IL1RAPL2: variants seen among roughly 807,000 people sequenced by gnomAD.
IL1RAPL2 encodes interleukin 1 receptor accessory protein like 2.
A neutral mutation model predicts 44.1 loss-of-function variants in IL1RAPL2; 3 were observed. The ratio of observed to expected loss-of-function variants is 0.07; its 90% confidence interval spans 0.03 to 0.18. The LOEUF (loss-of-function observed/expected upper bound fraction) is 0.18, where lower values mean the gene tolerates loss of function less well. Among genes scored for constraint, IL1RAPL2 ranks in the 10% least tolerant of loss-of-function variants. The probability of loss-of-function intolerance (pLI) is 1.00; values close to 1 mark genes in which losing one functional copy is unlikely to be tolerated. For missense variants in IL1RAPL2, 391 were observed against 496.4 expected (o/e 0.79, Z 2.02); for synonymous variants, 181 against 178.8 (o/e 1.01, Z -0.10).
chrX:105,371,184 CTCTT>C (rs2035336836), intron 5 of IL1RAPL2, among the ~76,000 whole-genome samples: 1 of 111,879 alleles, frequency 8.9e-6, no homozygotes, highest in African/African-American at 3.2e-5. Context: ...TGTAGGTTGT[CTCTT>C]TATTGTATTG....
At chrX:105,287,821 G>C (rs1017778013) in intron 5 of IL1RAPL2, among the ~76,000 whole-genome samples, 1 of 111,413 alleles carries the variant, frequency 9.0e-6, no homozygotes, top group Non-Finnish European at 1.9e-5. Context: ...GTATGACAAG[G>C]TTCATTCAAT....
intron 2 of IL1RAPL2, among the ~76,000 whole-genome samples, chrX:105,135,105 G>A (rs1360569331): frequency 9.1e-6 from 1 of 109,385 alleles, no homozygotes; most frequent in Non-Finnish European, 1.9e-5. Context: ...CCCATTTTCT[G>A]AGTAATACAC....
chrX:105,444,457 G>T (rs745536621), intron 5 of IL1RAPL2, among the ~76,000 whole-genome samples: 6 of 110,871 alleles, frequency 5.4e-5, no homozygotes, highest in Non-Finnish European at 1.1e-4. Context: ...TTTTCTTATA[G>T]TTGCTTCATA....
In IL1RAPL2 at chrX:105,669,756, C is replaced by T. The variant is rs768496991; in HGVS notation, c.773-47611C>T. Among the ~76,000 whole-genome samples the T allele has an allele frequency of 5.4e-5, 6 of 110,109 alleles. No individual in the cohort carries two copies. The South Asian group carries it at 2.3e-3, about 43-fold the overall frequency. On this transcript the variant is annotated intron_variant, in intron 6 of 10. Coordinates refer to ENST00000372582, the MANE Select transcript of IL1RAPL2 (RefSeq NM_017416.2). ...CCTTCATGTTGCACTTCTATAGTAA[C>T]ACCCATTTCCCTCCCACCACTATCC...
intron 2 of IL1RAPL2, among the ~76,000 whole-genome samples, chrX:104,891,359 G>C (rs995470625): frequency 8.9e-6 from 1 of 111,940 alleles, no homozygotes; most frequent in Non-Finnish European, 1.9e-5. Context: ...GTTTGATGGG[G>C]ATCGCATTGA....
chrX:104,885,913 G>C (rs1423920002), intron 2 of IL1RAPL2, among the ~76,000 whole-genome samples: 1 of 113,257 alleles, frequency 8.8e-6, no homozygotes, highest in Non-Finnish European at 1.9e-5. Flanking sequence ...TGGGCTGGAA[G>C]CCCCCAACCA....
In IL1RAPL2 at chrX:105,222,770, C is replaced by A. The variant is rs150242564; in HGVS notation, c.357-11048C>A. On this transcript the variant is annotated intron_variant, in intron 3 of 10. Coordinates refer to ENST00000372582, the MANE Select transcript of IL1RAPL2 (RefSeq NM_017416.2). ...ATGCCCAGGTTTCTGGTATAGGGGA[C>A]TAAGTAGATAGCCCTGTTATTGACT... 1.5e-4 allele frequency among the ~76,000 whole-genome samples: 17 copies of A among 111,745 alleles called. 1 individual carries two copies. In the East Asian group the frequency reaches 2.8e-3, roughly 19 times the overall value.
At chrX:105,529,083 C>A (rs886777728) in intron 6 of IL1RAPL2, among the ~76,000 whole-genome samples, 2 of 110,985 alleles carry the variant, frequency 1.8e-5, no homozygotes, top group Non-Finnish European at 3.8e-5. Context: ...TTTGAAATAA[C>A]CAGACTAGTT....
intron 3 of IL1RAPL2, among the ~76,000 whole-genome samples, chrX:105,230,902 C>T (rs1465402120): frequency 9.0e-6 from 1 of 111,730 alleles, no homozygotes; most frequent in African/African-American, 3.3e-5. Flanking sequence ...TCAGATTGGT[C>T]CTCTACTTTA....
chrX:105,351,263 C>G (rs191252315), intron 5 of IL1RAPL2, among the ~76,000 whole-genome samples: 1 of 111,103 alleles, frequency 9.0e-6, no homozygotes, highest in African/African-American at 3.3e-5. Flanking sequence ...CGATTTGACC[C>G]AGCAATCTCA....
chrX:105,059,563 C>T (rs2032045273), intron 2 of IL1RAPL2, among the ~76,000 whole-genome samples: 1 of 111,546 alleles, frequency 9.0e-6, no homozygotes, highest in Admixed American at 9.5e-5. Flanking sequence ...TGGAGTCTCA[C>T]TGTGTTGCCC....
At chrX:105,466,240 CTT>C (rs200856453) in intron 5 of IL1RAPL2, among the ~76,000 whole-genome samples, 2 of 101,874 alleles carry the variant, frequency 2.0e-5, no homozygotes, top group African/African-American at 3.6e-5. Context: ...TAATTTCAAC[CTT>C]TTTTTTTTTT....
Position 105,475,506 on chromosome X carries a change from C to CAA in IL1RAPL2, c.698-8806_698-8805dup, listed in dbSNP as rs1229846011. Among the ~76,000 whole-genome samples the CAA allele has an allele frequency of 2.7e-5, 3 of 110,842 alleles. No homozygotes were observed. The East Asian group carries it at 8.5e-4, about 31-fold the overall frequency. On this transcript the variant is annotated intron_variant, in intron 5 of 10. Coordinates refer to ENST00000372582, the MANE Select transcript of IL1RAPL2 (RefSeq NM_017416.2). ...ACTTATTTTAATACTAACTATATCC[C>CAA]AAGTTCTGTGTGAAACCTGGAAGTA...
At chrX:105,502,719 C>CTTTTTTT (rs112462525) in intron 6 of IL1RAPL2, among the ~76,000 whole-genome samples, 1 of 103,423 alleles carries the variant, frequency 9.7e-6, no homozygotes, top group Non-Finnish European at 2.0e-5. Flanking sequence ...AAAATACATT[C>CTTTTTTT]TTTTTTTTTT....
chrX:105,196,997 C>A (rs2033677935), intron 3 of IL1RAPL2, among the ~76,000 whole-genome samples: 1 of 111,614 alleles, frequency 9.0e-6, no homozygotes, highest in Non-Finnish European at 1.9e-5. Context: ...CTGGCGAGGT[C>A]TCATTGTTCA....
intron 5 of IL1RAPL2, among the ~76,000 whole-genome samples, chrX:105,384,711 T>C (rs978739981): frequency 9.0e-6 from 1 of 111,479 alleles, no homozygotes; most frequent in Non-Finnish European, 1.9e-5. Context: ...GTATGGACAC[T>C]TTAACACATT....
chrX:105,489,781 C>CT (rs2036299410), intron 6 of IL1RAPL2, among the ~76,000 whole-genome samples: 2 of 57,148 alleles, frequency 3.5e-5, no homozygotes, highest in African/African-American at 1.7e-4. Flanking sequence ...TCTTTTCTTT[C>CT]TCTCTTTCTC....
chrX:105,739,856 A>G (rs2038483931), intron 7 of IL1RAPL2, among the ~76,000 whole-genome samples: 1 of 101,558 alleles, frequency 9.8e-6, no homozygotes, highest in Admixed American at 1.1e-4. Context: ...TCCTTTGGGT[A>G]TATACCCAGT....
At chrX:105,322,479 T>A (rs1043483172) in intron 5 of IL1RAPL2, among the ~76,000 whole-genome samples, 22 of 111,938 alleles carry the variant, frequency 2.0e-4, no homozygotes, top group African/African-American at 6.8e-4. Flanking sequence ...CCAAACTCAT[T>A]TAGATTCTTG....
Sources: gnomAD v4.1 joint callset for allele counts (sites outside exome capture counted in the v4.1 genomes callset) on GRCh38, gnomAD v4.1.1 for gene constraint, MANE v1.5 for transcripts, NCBI Gene and HGNC (gene_info 2026-07-23, HGNC 2026-07-21) for gene names.